Variants in RSPH14 observed in about 807,000 individuals in gnomAD.
The protein encoded by RSPH14 is radial spoke head 14 homolog.
In RSPH14, 20 loss-of-function variants were observed where a neutral mutation model predicts 26.7. The ratio of observed to expected loss-of-function variants is 0.75; its 90% CI spans 0.53 to 1.09. The LOEUF is 1.09. RSPH14 is among the 50% of genes least tolerant of loss of function. The probability of loss-of-function intolerance (pLI) is 0.00; values close to 1 mark genes in which losing one functional copy is unlikely to be tolerated. For synonymous variants in RSPH14, 177 were observed against 189.3 expected (o/e 0.93, Z 0.53); for missense variants, 449 against 457.2 (o/e 0.98, Z 0.16).
the RSPH14 span, among the ~76,000 whole-genome samples, chr22:23,171,313 GTCA>G: frequency 6.6e-6 from 1 of 151,984 alleles, no homozygotes; most frequent in Non-Finnish European, 1.5e-5. Context: ...AAACCTGATG[GTCA>G]TCATGTTGAT....
the RSPH14 span, among the ~76,000 whole-genome samples, chr22:23,166,423 G>A: frequency 5.9e-5 from 9 of 152,150 alleles, no homozygotes; most frequent in Admixed American, 1.3e-4. Flanking sequence ...GTGTCCCAAT[G>A]TCTGCTCCTT....
intron 4 of RSPH14, chr22:23,124,528 C>A: frequency 3.3e-6 from 1 of 307,484 alleles, no homozygotes; most frequent in South Asian, 2.5e-5. Context: ...AAAATAAACA[C>A]GACATATTTA....
intron 3 of RSPH14, chr22:23,136,074 G>A (rs1320726714): frequency 2.3e-6 from 1 of 437,438 alleles, no homozygotes. Context: ...GGACACACAA[G>A]TTGCAGGGGT....
the RSPH14 span, among the ~76,000 whole-genome samples, chr22:23,167,402 G>A: frequency 1.1e-4 from 16 of 152,162 alleles, no homozygotes; most frequent in Non-Finnish European, 1.5e-4. Flanking sequence ...AGGGACCGGA[G>A]CAAGGCAGTT....
At chr22:23,086,851 C>T (rs900977400) in intron 4 of RSPH14, among the ~76,000 whole-genome samples, 2 of 152,210 alleles carry the variant, frequency 1.3e-5, no homozygotes, top group African/African-American at 2.4e-5. Context: ...ACACAAAGGA[C>T]ACCTGGCTCC....
Position 23,078,817 on chromosome 22 carries a change from C to T in RSPH14, c.422-14684G>A, listed in dbSNP as rs1470818269. On this transcript the variant is annotated intron_variant, in intron 4 of 6. Coordinates refer to ENST00000216036, the MANE Select transcript of RSPH14 (RefSeq NM_014433.3). ...CAGGGGTAGCAACAGAAGCCCAGCC[C>T]CAAAGGGCTTACAAGATGAGGGGAC... Among the ~76,000 whole-genome samples the T allele has an allele frequency of 2.6e-5, 4 of 152,302 alleles. No individual in the cohort carries two copies. The East Asian group carries it at 5.8e-4, about 22-fold the overall frequency.
the RSPH14 span, among the ~76,000 whole-genome samples, chr22:23,153,916 T>C: frequency 6.6e-6 from 1 of 152,228 alleles, no homozygotes; most frequent in African/African-American, 2.4e-5. Flanking sequence ...CTCGAACTCC[T>C]GACCTCAAGT....
the RSPH14 span, chr22:23,158,923 G>T: frequency 6.8e-6 from 11 of 1,614,192 alleles, no homozygotes; most frequent in Middle Eastern, 1.6e-4. Context: ...TGCTCTGAGG[G>T]AGAACGAGGC....
intron 4 of RSPH14, among the ~76,000 whole-genome samples, chr22:23,084,157 C>T (rs190016714): frequency 3.9e-5 from 6 of 152,242 alleles, no homozygotes; most frequent in African/African-American, 7.2e-5. Context: ...TTATCTTCCC[C>T]GGAAGATGTG....
intron 4 of RSPH14, among the ~76,000 whole-genome samples, chr22:23,067,163 A>G (rs2068230381): frequency 6.6e-6 from 1 of 152,126 alleles, no homozygotes; most frequent in Admixed American, 6.5e-5. Flanking sequence ...AATGGGATTG[A>G]GGGGTCACGG....
rs187053543 is a variant in RSPH14, at chr22:23,112,699, C to T, written c.421+21327G>A. 2.0e-3 allele frequency among the ~76,000 whole-genome samples: 304 copies of T among 152,272 alleles called. 1 individual carries two copies. The highest frequency in any genetic ancestry group is 6.9e-3 in the African/African-American group (285 of 41,540). On this transcript the variant is annotated intron_variant, in intron 4 of 6. Transcript: ENST00000216036. The stretch of plus-strand genomic sequence containing the variant: ...GAATGGCAAGTGCTCAAGGTAAGCA[C>T]GATGCAGCTGCGACCTGTAGACTGG...
chr22:23,165,942 A>C, the RSPH14 span, among the ~76,000 whole-genome samples: 358 of 152,092 alleles, frequency 2.4e-3, no homozygotes, highest in Non-Finnish European at 3.4e-3. Flanking sequence ...GTCAGGAGAT[A>C]GAGACCATCC....
At chr22:23,147,080 T>C (rs1285548483), upstream of RSPH14, among the ~76,000 whole-genome samples, 1 of 152,212 alleles carries the variant, frequency 6.6e-6, no homozygotes, top group Admixed American at 6.5e-5. Context: ...GCAGTCATAG[T>C]TGCTGTTGTT....
chr22:23,145,218 A>T (rs2070696843), upstream of RSPH14: 1 of 767,804 alleles, frequency 1.3e-6, no homozygotes, highest in East Asian at 2.6e-5. Flanking sequence ...CCCAGGGCTC[A>T]GGCTCCGCCC....
intron 4 of RSPH14, among the ~76,000 whole-genome samples, chr22:23,092,403 A>T (rs1042213072): frequency 1.3e-5 from 2 of 151,854 alleles, no homozygotes; most frequent in African/African-American, 2.4e-5. Context: ...CCCAAACACA[A>T]CACAGCCCCA....
At chr22:23,177,613 T>C in the RSPH14 span, among the ~76,000 whole-genome samples, 3 of 151,982 alleles carry the variant, frequency 2.0e-5, no homozygotes, top group African/African-American at 7.2e-5. Context: ...AAGAAAACTC[T>C]ACAGGAAAGG....
the RSPH14 span, chr22:23,164,014 G>A: frequency 6.6e-6 from 1 of 152,240 alleles, no homozygotes; most frequent in Non-Finnish European, 1.5e-5. Flanking sequence ...GGCCATTCTT[G>A]TAGTTATAGC....
At chr22:23,152,339 A>G in the RSPH14 span, 1 of 987,206 alleles carries the variant, frequency 1.0e-6, no homozygotes, top group Non-Finnish European at 1.6e-6. Flanking sequence ...AGGGTGGCCC[A>G]TCCTGTGTCC....
In RSPH14 at chr22:23,141,958, C is replaced by T. The variant is rs925354644; in HGVS notation, c.-62G>A. On this transcript the variant is annotated 5_prime_UTR_variant, in exon 1 of 7. Transcript: ENST00000216036. ...ACCACCGCCGCCTCACCTGCCTCCG[C>T]AGCCCTTTCTGCTTCCAGTAGCCCG... 1.0e-6 allele frequency: 1 copy of T among 985,578 alleles called. No individual in the cohort carries two copies. The highest frequency in any genetic ancestry group is 1.7e-5 in the African/African-American group (1 of 57,258). The allele number at this position is 985,578 out of a possible 1,614,324, so 61.1% of individuals were successfully genotyped here.
Sources: allele counts gnomAD v4.1 joint callset (sites outside exome capture counted in the v4.1 genomes callset), GRCh38; gene constraint gnomAD v4.1.1; transcripts MANE v1.5; gene names NCBI Gene and HGNC (gene_info 2026-07-23, HGNC 2026-07-21).